The following USP32 variants were observed in gnomAD, a reference collection of about 807,000 sequenced individuals.
USP32 encodes ubiquitin specific peptidase 32.
A neutral mutation model predicts 204.8 loss-of-function variants in USP32; 59 were observed. That is an observed-to-expected ratio of 0.29 (90% CI 0.23 to 0.36). The LOEUF is 0.36. USP32 is among the 10% of genes least tolerant of loss of function. The pLI is 1.00. For missense variants in USP32, 1,160 were observed against 1,946.4 expected, an observed-to-expected ratio of 0.60 and a Z score of 7.60; for synonymous variants, 517 against 678.4, an observed-to-expected ratio of 0.76 and a Z score of 3.70.
At chr17:60,269,050 T>G (rs2086667078) in intron 7 of USP32, among the ~76,000 whole-genome samples, 1 of 152,236 alleles carries the variant, frequency 6.6e-6, no homozygotes, top group Non-Finnish European at 1.5e-5. Context: ...CCATAAATTT[T>G]CTTTTGCCAA....
chr17:60,420,273 T>C (rs2090100116), intron 1 of USP32, among the ~76,000 whole-genome samples: 1 of 152,016 alleles, frequency 6.6e-6, no homozygotes, highest in African/African-American at 2.4e-5. Context: ...CGATTATAGG[T>C]GTGAGCCACC....
intron 1 of USP32, among the ~76,000 whole-genome samples, chr17:60,391,607 T>G (rs2089835078): frequency 6.6e-6 from 1 of 152,088 alleles, no homozygotes; most frequent in Non-Finnish European, 1.5e-5. Flanking sequence ...CCTGGACACA[T>G]CCAGGATCAC....
chr17:60,229,621 C>T (rs1354559996), intron 12 of USP32, among the ~76,000 whole-genome samples: 1 of 152,140 alleles, frequency 6.6e-6, no homozygotes, highest in Non-Finnish European at 1.5e-5. Context: ...AGAGTAACAG[C>T]GCCACCTTTG....
Position 60,181,475 on chromosome 17 carries a change from A to G in USP32, c.4397T>C (p.Val1466Ala). The change falls in exon 32 of 34, where the codon GTA becomes GCA. Residue 1466 changes from valine (V) to alanine (A), a missense_variant. Physicochemically the swap from Val to Ala is moderately conservative, Grantham distance 64. This residue lies in a region of USP32 where 244 missense variants were observed against 342.3 expected (regional missense o/e 0.71). Coordinates refer to ENST00000300896, the MANE Select transcript of USP32 (RefSeq NM_032582.4). ...PELVTPQDHEVALANGFLYEH... is the reference protein window; with the variant it reads ...PELVTPQDHEAALANGFLYEH... The stretch of plus-strand genomic sequence containing the variant: ...ATAAAGGAATCCATTGGCCAAAGCT[A>G]CCTCATGGTCCTGAGGAGTGACCAA... The G allele has an allele frequency of 6.2e-7, 1 of 1,613,972 alleles. No individual in the cohort carries two copies. The highest frequency in any genetic ancestry group is 1.1e-5 in the South Asian group (1 of 91,078).
chr17:60,392,333 G>T, upstream of USP32: 1 of 300,080 alleles, frequency 3.3e-6, no homozygotes, highest in Non-Finnish European at 6.4e-6. Context: ...CCCTCCCCAA[G>T]CTAACCGCGC....
intron 1 of USP32, among the ~76,000 whole-genome samples, chr17:60,358,802 C>A (rs1254608060): frequency 6.6e-6 from 1 of 152,154 alleles, no homozygotes; most frequent in African/African-American, 2.4e-5. Context: ...GATATTACAT[C>A]ATGGGGCACC....
At chr17:60,392,251 T>G, upstream of USP32, 6 of 302,288 alleles carry the variant, frequency 2.0e-5, no homozygotes, top group East Asian at 1.0e-4. Context: ...TCCCGCCAGC[T>G]CCGCCGAGGG....
chr17:60,187,666 A>G lies in USP32; in HGVS notation c.3643-2015T>C, dbSNP rs140905334. Among the ~76,000 whole-genome samples the G allele has an allele frequency of 1.3e-3, 201 of 152,376 alleles. 1 individual carries two copies. The highest frequency in any genetic ancestry group is 4.5e-3 in the African/African-American group (188 of 41,596). ...CTATATTTTCTGTGGAACACAGGCTACAGTGCTAGATGAAGACAGGAAAGA... is the reference window on the plus strand; with the variant it reads ...CTATATTTTCTGTGGAACACAGGCTGCAGTGCTAGATGAAGACAGGAAAGA... On this transcript the variant is annotated intron_variant, in intron 29 of 33. Transcript: ENST00000300896.
At chr17:60,374,781 T>C (rs1338314516) in intron 1 of USP32, among the ~76,000 whole-genome samples, 2 of 152,222 alleles carry the variant, frequency 1.3e-5, no homozygotes, top group African/African-American at 2.4e-5. Context: ...AGTAAATGGC[T>C]ACGATGTCAC....
intron 2 of USP32, among the ~76,000 whole-genome samples, chr17:60,344,572 C>T (rs2088739520): frequency 6.6e-6 from 1 of 152,202 alleles, no homozygotes; most frequent in South Asian, 2.1e-4. Context: ...ACTTCAGCCT[C>T]CTGAGTACCT....
intron 9 of USP32, among the ~76,000 whole-genome samples, chr17:60,263,846 T>C (rs2086516284): frequency 6.6e-6 from 1 of 152,238 alleles, no homozygotes; most frequent in Admixed American, 6.5e-5. Flanking sequence ...TAACAATTTC[T>C]TCTGAAATTG....
intron 4 of USP32, among the ~76,000 whole-genome samples, chr17:60,291,049 C>A (rs1337774774): frequency 1.3e-5 from 2 of 152,196 alleles, no homozygotes; most frequent in Non-Finnish European, 2.9e-5. Context: ...CTACAGAAGA[C>A]ACTATTATTA....
At chr17:60,397,389 GTCTC>G (rs1448741452) in intron 1 of USP32, among the ~76,000 whole-genome samples, 3 of 152,078 alleles carry the variant, frequency 2.0e-5, no homozygotes, top group African/African-American at 4.8e-5. Context: ...AAGACACAGC[GTCTC>G]TCTCTATCAC....
intron 3 of USP32, among the ~76,000 whole-genome samples, chr17:60,300,456 TG>T (rs2087545857): frequency 6.6e-6 from 1 of 152,206 alleles, no homozygotes; most frequent in Non-Finnish European, 1.5e-5. Context: ...AGCATTTCCC[TG>T]ATCAGCAGGA....
intron 1 of USP32, among the ~76,000 whole-genome samples, chr17:60,408,511 G>A (rs907933423): frequency 2.0e-5 from 3 of 152,030 alleles, no homozygotes; most frequent in African/African-American, 7.2e-5. Context: ...CCAAGTAGCT[G>A]GGATTATAGG....
At chr17:60,211,612 A>G (rs1598072662) in intron 19 of USP32, 98 bp from the exon 20 acceptor site, 1 of 1,489,404 alleles carries the variant, frequency 6.7e-7, no homozygotes, top group Non-Finnish European at 8.9e-7. Context: ...TATAACTCTC[A>G]TAATCAGCTA....
intron 2 of USP32, among the ~76,000 whole-genome samples, chr17:60,313,848 T>C (rs761092951): frequency 5.3e-5 from 8 of 151,958 alleles, no homozygotes; most frequent in Non-Finnish European, 1.0e-4. Context: ...AGACAACAAA[T>C]TCAGGTACTT....
At chr17:60,338,982 T>G (rs954206794) in intron 2 of USP32, among the ~76,000 whole-genome samples, 6 of 152,128 alleles carry the variant, frequency 3.9e-5, no homozygotes, top group Non-Finnish European at 8.8e-5. Context: ...TGATCTTGGC[T>G]GATTGCAACC....
In USP32 at chr17:60,183,376, T is replaced by C; in HGVS notation, c.3912A>G (p.Glu1304=). The C allele has an allele frequency of 6.2e-7, 1 of 1,613,726 alleles. No individual in the cohort carries two copies. Among genetic ancestry groups the C allele is most frequent in the South Asian group, 1.1e-5 (1 of 91,038 alleles). Residue 1304 remains glutamate (E), a synonymous_variant, in exon 31 of 34, where the codon GAA becomes GAG. Transcript: ENST00000300896. The part of the protein sequence containing the change: ...KSQKIVKFPR[E]SFDPSAFLVP... ...CCAAAAAAGCACTTGGATCAAAACT[T>C]TCCCGAGGAAATTTGACAATTTTCT... is the stretch of plus-strand genomic sequence containing the variant.
Sources: allele counts gnomAD v4.1 joint callset (sites outside exome capture counted in the v4.1 genomes callset), GRCh38; gene constraint gnomAD v4.1.1; regional missense constraint gnomAD v4.1.1; transcripts MANE v1.5; gene names NCBI Gene and HGNC (gene_info 2026-07-23, HGNC 2026-07-21).